Variants in MACROD2 observed in about 807,000 individuals in gnomAD.
MACROD2 encodes mono-ADP ribosylhydrolase 2, also known as ADP-ribose glycohydrolase MACROD2.
MACROD2 carries 36 observed loss-of-function variants against 70.4 expected under a neutral mutation model. That is an observed-to-expected ratio of 0.51 (90% CI 0.39 to 0.68). The LOEUF (loss-of-function observed/expected upper bound fraction) is 0.68. MACROD2 is among the 30% of genes least tolerant of loss of function. The pLI is 0.00. For missense variants in MACROD2, 496 were observed against 538.4 expected (o/e 0.92, Z 0.78); for synonymous variants, 172 against 178.8 (o/e 0.96, Z 0.30).
At chr20:14,716,392 G>T (rs2071397343) in intron 5 of MACROD2, among the ~76,000 whole-genome samples, 1 of 152,150 alleles carries the variant, frequency 6.6e-6, no homozygotes, top group Admixed American at 6.5e-5. Flanking sequence ...TGATCACAGG[G>T]GAGTGAGCAG....
chr20:15,611,147 G>T (rs2048963978), intron 8 of MACROD2, among the ~76,000 whole-genome samples: 1 of 151,942 alleles, frequency 6.6e-6, no homozygotes, highest in African/African-American at 2.4e-5. Flanking sequence ...TTCATGGAGA[G>T]CCTGCTATAT....
chr20:15,873,956 G>A (rs2064624433), intron 9 of MACROD2, among the ~76,000 whole-genome samples: 1 of 151,952 alleles, frequency 6.6e-6, no homozygotes, highest in Non-Finnish European at 1.5e-5. Context: ...AGGGTACAGT[G>A]CACAATGTGC....
chr20:15,639,803 T>C (rs2049427169), intron 8 of MACROD2, among the ~76,000 whole-genome samples: 1 of 147,454 alleles, frequency 6.8e-6, no homozygotes, highest in Non-Finnish European at 1.5e-5. Flanking sequence ...GAAAAGAGAG[T>C]GGGGGGAAAG....
At chr20:15,602,645 GT>G (rs1002492706) in intron 8 of MACROD2, among the ~76,000 whole-genome samples, 4 of 152,140 alleles carry the variant, frequency 2.6e-5, no homozygotes, top group African/African-American at 9.7e-5. Context: ...CATACAAATT[GT>G]TCGTAGTTTT....
intron 3 of MACROD2, among the ~76,000 whole-genome samples, chr20:14,406,115 T>C (rs1038836243): frequency 6.6e-6 from 1 of 152,158 alleles, no homozygotes; most frequent in African/African-American, 2.4e-5. Context: ...TATATAATCA[T>C]GAGGACCTGT....
At chr20:15,100,759 C>T (rs923890076) in intron 5 of MACROD2, among the ~76,000 whole-genome samples, 12 of 152,236 alleles carry the variant, frequency 7.9e-5, no homozygotes, top group African/African-American at 2.2e-4. Flanking sequence ...TCTGTGAAAG[C>T]AAATGCTGAC....
chr20:15,775,564 T>C (rs2051707812), intron 8 of MACROD2, among the ~76,000 whole-genome samples: 1 of 152,122 alleles, frequency 6.6e-6, no homozygotes, highest in South Asian at 2.1e-4. Flanking sequence ...TTGGGGTCCC[T>C]TTGGCCAAGA....
chr20:15,668,694 C>T (rs958036992), intron 8 of MACROD2, among the ~76,000 whole-genome samples: 2 of 152,182 alleles, frequency 1.3e-5, no homozygotes, highest in African/African-American at 4.8e-5. Flanking sequence ...AAAATTATCT[C>T]GATTATGAAG....
At chr20:14,020,987 CTTTTT>C (rs1163077387) in intron 2 of MACROD2, among the ~76,000 whole-genome samples, 1 of 111,546 alleles carries the variant, frequency 9.0e-6, no homozygotes, top group African/African-American at 3.5e-5. Context: ...TTTGAATATT[CTTTTT>C]TTTTTTTTTT....
intron 9 of MACROD2, among the ~76,000 whole-genome samples, chr20:15,876,062 C>T (rs1340636367): frequency 7.3e-6 from 1 of 136,350 alleles, no homozygotes; most frequent in Admixed American, 7.2e-5. Context: ...TATGTATGAA[C>T]CTGACTTTTA....
At chr20:15,722,646 T>C (rs1450999645) in intron 8 of MACROD2, among the ~76,000 whole-genome samples, 2 of 152,100 alleles carry the variant, frequency 1.3e-5, no homozygotes, top group Non-Finnish European at 2.9e-5. Flanking sequence ...ATATGTGTTA[T>C]AAATATATTT....
chr20:14,136,096 CA>C (rs1406856116), intron 3 of MACROD2, among the ~76,000 whole-genome samples: 1 of 152,016 alleles, frequency 6.6e-6, no homozygotes, highest in Admixed American at 6.6e-5. Context: ...AAGGATTATA[CA>C]AAAATGCTGC....
chr20:14,287,760 C>A (rs1254925423), intron 3 of MACROD2, among the ~76,000 whole-genome samples: 1 of 152,012 alleles, frequency 6.6e-6, no homozygotes, highest in Non-Finnish European at 1.5e-5. Context: ...TGGTTTTTGG[C>A]AGTATTAAGT....
At chr20:14,357,039 A>T (rs1034381391) in intron 3 of MACROD2, among the ~76,000 whole-genome samples, 29 of 152,216 alleles carry the variant, frequency 1.9e-4, no homozygotes, top group African/African-American at 6.0e-4. Context: ...TGACTTCTTT[A>T]TCCTACTACT....
chr20:14,843,349 A>G (rs1306935316), intron 5 of MACROD2, among the ~76,000 whole-genome samples: 1 of 151,690 alleles, frequency 6.6e-6, no homozygotes, highest in Non-Finnish European at 1.5e-5. Context: ...TATTATATAT[A>G]TATACTTTAC....
intron 6 of MACROD2, among the ~76,000 whole-genome samples, chr20:15,378,403 A>G (rs757104076): frequency 2.6e-5 from 4 of 152,038 alleles, no homozygotes; most frequent in Admixed American, 2.0e-4. Context: ...GTGGGGGAAG[A>G]GAAAGGTAGG....
intron 6 of MACROD2, among the ~76,000 whole-genome samples, chr20:15,305,529 C>T (rs1293381754): frequency 6.6e-6 from 1 of 152,064 alleles, no homozygotes; most frequent in Non-Finnish European, 1.5e-5. Context: ...AATCACAAGT[C>T]CAGTCGAGTT....
chr20:14,218,575 T>C (rs2081643698), intron 3 of MACROD2, among the ~76,000 whole-genome samples: 1 of 152,098 alleles, frequency 6.6e-6, no homozygotes, highest in South Asian at 2.1e-4. Context: ...TGTACTTTGG[T>C]TTTTTGTTTT....
At chr20:14,855,824 A>G (rs552603325) in intron 5 of MACROD2, among the ~76,000 whole-genome samples, 1 of 152,158 alleles carries the variant, frequency 6.6e-6, no homozygotes, top group Admixed American at 6.5e-5. Context: ...CTTATAGTCC[A>G]CTGACTAGAT....
Sources: allele counts gnomAD v4.1 joint callset (sites outside exome capture counted in the v4.1 genomes callset), GRCh38; gene constraint gnomAD v4.1.1; transcripts MANE v1.5; gene names NCBI Gene and HGNC (gene_info 2026-07-23, HGNC 2026-07-21).